Variants in GLI2 observed in about 807,000 individuals in gnomAD.
The protein encoded by GLI2 is GLI family zinc finger 2.
Under a neutral mutation model 78.9 loss-of-function variants are expected in GLI2, and 22 were observed. The observed-to-expected ratio is 0.28, with a 90% CI of 0.20 to 0.40. GLI2 has a LOEUF of 0.40. GLI2 is among the 10% of genes least tolerant of loss of function. The probability of loss-of-function intolerance (pLI) is 1.00; values close to 1 mark genes in which losing one functional copy is unlikely to be tolerated. For missense variants in GLI2, 2,097 were observed against 2,213.2 expected (o/e 0.95, Z 1.05); for synonymous variants, 974 against 963.7 (o/e 1.01, Z -0.20).
chr2:120,849,948 A>G (rs1403837997), intron 2 of GLI2, among the ~76,000 whole-genome samples: 4 of 152,358 alleles, frequency 2.6e-5, no homozygotes, highest in African/African-American at 9.6e-5. Context: ...TAAAAATATG[A>G]TAGTTGAAAT....
chr2:120,936,447 A>T (rs1014478874), intron 3 of GLI2, among the ~76,000 whole-genome samples: 34 of 152,036 alleles, frequency 2.2e-4, no homozygotes, highest in African/African-American at 7.2e-4. Context: ...AAGGTGGGGG[A>T]TTTTCTCCTC....
In GLI2 at chr2:120,992,007, TAC is replaced by T. The variant is rs59277032; in HGVS notation, c.*1375_*1376del. ...GTGAATTGGTGCATCTTCCCCACCATACACACACACACACACACACACACACA... is the reference window on the plus strand; with the variant it reads ...GTGAATTGGTGCATCTTCCCCACCATACACACACACACACACACACACACA... On this transcript the variant is annotated 3_prime_UTR_variant, in exon 14 of 14. Coordinates refer to ENST00000361492, the MANE Select transcript of GLI2 (RefSeq NM_001374353.1). 6,816 of 130,008 alleles carry T rather than the reference TAC, an allele frequency of 0.052. 199 individuals are homozygous for T. Among genetic ancestry groups the T allele is most frequent in the African/African-American group, 0.087 (3,038 of 34,970 alleles). The allele number at this position is 130,008 out of a possible 1,614,324, so 8.1% of individuals were successfully genotyped here.
intron 2 of GLI2, among the ~76,000 whole-genome samples, chr2:120,810,230 C>T (rs879108116): frequency 7.2e-5 from 11 of 152,220 alleles, no homozygotes; most frequent in African/African-American, 1.2e-4. Flanking sequence ...CAGTGCTACG[C>T]GGTGAGTATC....
chr2:120,820,587 C>T (rs1573429419), intron 2 of GLI2, among the ~76,000 whole-genome samples: 3 of 152,212 alleles, frequency 2.0e-5, no homozygotes, highest in South Asian at 4.1e-4. Flanking sequence ...GATGTGTGGG[C>T]TCCGGACACC....
At chr2:120,936,959 C>G (rs1019010910) in intron 3 of GLI2, among the ~76,000 whole-genome samples, 19 of 152,204 alleles carry the variant, frequency 1.2e-4, no homozygotes, top group Non-Finnish European at 2.4e-4. Context: ...GCCCTCAAGC[C>G]TCTGTCACTG....
intron 2 of GLI2, among the ~76,000 whole-genome samples, chr2:120,898,870 T>C (rs1678108049): frequency 6.6e-6 from 1 of 152,146 alleles, no homozygotes; most frequent in Non-Finnish European, 1.5e-5. Flanking sequence ...AAAGAGCAAG[T>C]TATGGAACAA....
At chr2:120,752,672 G>A (rs141703740) in intron 1 of GLI2, among the ~76,000 whole-genome samples, 5 of 152,088 alleles carry the variant, frequency 3.3e-5, no homozygotes, top group South Asian at 2.1e-4. Context: ...TAAAGTTTTC[G>A]TACCACTGCC....
intron 9 of GLI2, among the ~76,000 whole-genome samples, chr2:120,976,773 C>T (rs1682474066): frequency 6.6e-6 from 1 of 152,168 alleles, no homozygotes; most frequent in African/African-American, 2.4e-5. Flanking sequence ...CTATAGGTGG[C>T]CACCTCCACC....
chr2:120,760,713 C>G (rs537777645), intron 1 of GLI2, among the ~76,000 whole-genome samples: 5 of 152,280 alleles, frequency 3.3e-5, no homozygotes, highest in African/African-American at 1.2e-4. Context: ...TGGCTCAGGC[C>G]TCGTCTCTGT....
At chr2:120,925,462 A>G (rs1306244407) in intron 2 of GLI2, among the ~76,000 whole-genome samples, 8 of 152,212 alleles carry the variant, frequency 5.3e-5, no homozygotes, top group African/African-American at 1.9e-4. Flanking sequence ...ATCCAATACA[A>G]TAGATTGTTA....
intron 3 of GLI2, among the ~76,000 whole-genome samples, chr2:120,945,379 C>T (rs1433819226): frequency 6.6e-6 from 1 of 152,202 alleles, no homozygotes; most frequent in Admixed American, 6.5e-5. Flanking sequence ...TGCCCAGACA[C>T]AGAAGGACAT....
Position 120,968,727 on chromosome 2 carries a change from C to T in GLI2, c.657C>T (p.Ser219=), listed in dbSNP as rs1220779935. The change falls in exon 6 of 14, where the codon TCC becomes TCT. Residue 219 remains serine (S), a synonymous_variant. Transcript: ENST00000361492. Reference sequence around the variant, plus strand: ...ACTATCCCACAGTGTCCCGTTTCTCCAGCCCGCGGGTGACGCCCCGCCTGA... The same window carrying T: ...ACTATCCCACAGTGTCCCGTTTCTCTAGCCCGCGGGTGACGCCCCGCCTGA... ...YLNPVDVSRF[S]SPRVTPRLSR... The T allele has an allele frequency of 6.2e-7, 1 of 1,613,178 alleles. No homozygotes were observed. The highest frequency in any genetic ancestry group is 8.5e-7 in the Non-Finnish European group (1 of 1,179,648).
At chr2:120,777,356 G>A (rs1048156889) in intron 1 of GLI2, among the ~76,000 whole-genome samples, 1 of 152,040 alleles carries the variant, frequency 6.6e-6, no homozygotes, top group Admixed American at 6.6e-5. Flanking sequence ...GAGTGGGCGT[G>A]TGTGGGGGTG....
chr2:120,988,994 G>A lies in GLI2; in HGVS notation c.3029G>A (p.Arg1010Gln), dbSNP rs531385991. 6.3e-6 allele frequency: 10 copies of A among 1,587,766 alleles called. No individual in the cohort carries two copies. The highest frequency in any genetic ancestry group is 5.2e-5 in the Admixed American group (3 of 58,252). The change falls in exon 14 of 14, where the codon CGG becomes CAG. Residue 1010 changes from arginine (R) to glutamine (Q), a missense_variant. Around this residue, in one of 5 missense-constraint regions of GLI2, gnomAD observed 1,290 missense variants for 1,261.7 expected, o/e 1.02. Transcript: ENST00000361492. ...GGLARGAYSP[R>Q]PPSISENVAM... Reference sequence around the variant, plus strand: ...CTGGCCCGCGGCGCCTACTCGCCCCGGCCGCCTAGCATCAGCGAGAACGTG... The same window carrying A: ...CTGGCCCGCGGCGCCTACTCGCCCCAGCCGCCTAGCATCAGCGAGAACGTG...
chr2:120,877,686 C>T (rs898386436), intron 2 of GLI2, among the ~76,000 whole-genome samples: 1 of 152,150 alleles, frequency 6.6e-6, no homozygotes, highest in Non-Finnish European at 1.5e-5. Context: ...CGTGTTATTA[C>T]CTGTAGTCGT....
Position 120,864,411 on chromosome 2 carries a change from G to T in GLI2, c.149-62950G>T, listed in dbSNP as rs181607650. Among the ~76,000 whole-genome samples the T allele has an allele frequency of 4.9e-3, 751 of 152,290 alleles. 7 individuals carry two copies. The highest frequency in any genetic ancestry group is 7.8e-3 in the Non-Finnish European group (531 of 68,018). ...GCTCTGTGCAGAGCCCATGTGTCTCGATGGCTGAAGGTAGGGGTCGAATGG... is the reference window on the plus strand; with the variant it reads ...GCTCTGTGCAGAGCCCATGTGTCTCTATGGCTGAAGGTAGGGGTCGAATGG... On this transcript the variant is annotated intron_variant, in intron 2 of 13. Coordinates refer to ENST00000361492, the MANE Select transcript of GLI2 (RefSeq NM_001374353.1).
intron 2 of GLI2, among the ~76,000 whole-genome samples, chr2:120,901,937 C>T (rs1179799032): frequency 6.6e-6 from 1 of 152,014 alleles, no homozygotes; most frequent in East Asian, 1.9e-4. Flanking sequence ...GGTAGAAAAT[C>T]GTATTAATTT....
At chr2:120,959,106 G>A (rs1037729969) in intron 5 of GLI2, among the ~76,000 whole-genome samples, 5 of 152,212 alleles carry the variant, frequency 3.3e-5, no homozygotes, top group African/African-American at 1.2e-4. Flanking sequence ...CTCAGCATTT[G>A]GCAGCCCCGG....
Position 120,989,918 on chromosome 2 carries a change from A to G in GLI2, c.3953A>G (p.Glu1318Gly). ...CACCTGGCAGCCTCCATGAGCCAGG[A>G]GGGCTACCACCAGGTCCCCAGCCTT... Reference protein sequence around the residue: ...SHHLAASMSQEGYHQVPSLLP... With the variant: ...SHHLAASMSQGGYHQVPSLLP... The change falls in exon 14 of 14, where the codon GAG (glutamate) becomes GGG (glycine). Residue 1318 changes from glutamate to glycine, a missense_variant. Coordinates refer to ENST00000361492, the MANE Select transcript of GLI2 (RefSeq NM_001374353.1). 1 of 1,612,644 alleles carries G rather than the reference A, an allele frequency of 6.2e-7. No homozygotes were observed. The highest frequency in any genetic ancestry group is 8.5e-7 in the Non-Finnish European group (1 of 1,179,826).
Sources: allele counts gnomAD v4.1 joint callset (sites outside exome capture counted in the v4.1 genomes callset), GRCh38; gene constraint gnomAD v4.1.1; regional missense constraint gnomAD v4.1.1; transcripts MANE v1.5; gene names NCBI Gene and HGNC (gene_info 2026-07-23, HGNC 2026-07-21).